The following NEBL variants were observed in gnomAD, a reference collection of about 807,000 sequenced individuals.
NEBL encodes the protein nebulette.
A neutral mutation model predicts 140.2 loss-of-function variants in NEBL; 122 were observed. The observed-to-expected ratio is 0.87, with a 90% CI of 0.75 to 1.01. NEBL has a LOEUF of 1.01. NEBL is among the 50% of genes least tolerant of loss of function. NEBL has a pLI of 0.00. For missense variants in NEBL, 1,365 were observed against 1,231.3 expected (o/e 1.11, Z -1.62); for synonymous variants, 436 against 398.9 (o/e 1.09, Z -1.11).
intron 20 of NEBL, chr10:20,818,707 T>A (rs1305786534): frequency 8.6e-6 from 7 of 811,858 alleles, no homozygotes; most frequent in Non-Finnish European, 1.0e-5. Context: ...GTCTTACCCA[T>A]CTTTGTGTCT....
intron 2 of NEBL, among the ~76,000 whole-genome samples, chr10:21,111,541 T>C (rs930941293): frequency 5.9e-5 from 9 of 151,548 alleles, no homozygotes; most frequent in Admixed American, 5.9e-4. Flanking sequence ...TAGCCACGTG[T>C]AGAAAGCTGA....
intron 2 of NEBL, chr10:21,029,687 CA>C: frequency 1.8e-6 from 2 of 1,083,404 alleles, no homozygotes; most frequent in Non-Finnish European, 2.9e-6. Context: ...CGTTATGATT[CA>C]GACCAGTCTG....
intron 3 of NEBL, among the ~76,000 whole-genome samples, chr10:20,977,569 G>A (rs751302608): frequency 6.6e-6 from 1 of 152,144 alleles, no homozygotes; most frequent in African/African-American, 2.4e-5. Context: ...CACAGGAGGA[G>A]GAGGAGGAGG....
At chr10:20,864,778 C>G (rs7910035) in intron 7 of NEBL, among the ~76,000 whole-genome samples, 5,888 of 152,080 alleles carry the variant, frequency 0.039, 364 homozygotes, top group African/African-American at 0.13. Context: ...AAACTTGCTG[C>G]CCAAATTTCT....
At chr10:20,852,967 A>T in intron 9 of NEBL, among the ~76,000 whole-genome samples, 1 of 152,340 alleles carries the variant, frequency 6.6e-6, no homozygotes, top group East Asian at 1.9e-4. Flanking sequence ...GGAAAAAGGT[A>T]AAGTGGGGAA....
chr10:21,252,745 C>CA (rs1842602526), intron 1 of NEBL, among the ~76,000 whole-genome samples: 1 of 152,158 alleles, frequency 6.6e-6, no homozygotes, highest in African/African-American at 2.4e-5. Flanking sequence ...CACCTGAGGT[C>CA]AGGAGTTCAA....
At chr10:21,076,518 CA>C (rs796291263) in intron 2 of NEBL, among the ~76,000 whole-genome samples, 2 of 137,486 alleles carry the variant, frequency 1.5e-5, no homozygotes, top group Non-Finnish European at 1.6e-5. Flanking sequence ...GGCATATAAC[CA>C]AAAAAAAACT....
intron 3 of NEBL, among the ~76,000 whole-genome samples, chr10:21,191,731 G>T (rs561339608): frequency 1.3e-5 from 2 of 152,206 alleles, no homozygotes; most frequent in East Asian, 3.9e-4. Flanking sequence ...TTAGCTGAAG[G>T]CATTCTATAT....
intron 4 of NEBL, among the ~76,000 whole-genome samples, chr10:20,934,554 C>T (rs943246457): frequency 1.8e-4 from 28 of 152,262 alleles, no homozygotes; most frequent in African/African-American, 6.0e-4. Context: ...GTGCTATCCA[C>T]GATGGGCCCG....
chr10:20,828,995 G>A (rs1342071727), intron 16 of NEBL, among the ~76,000 whole-genome samples: 2 of 152,112 alleles, frequency 1.3e-5, no homozygotes, highest in Non-Finnish European at 2.9e-5. Flanking sequence ...TCTTATCCTA[G>A]TACCAGCACT....
At chr10:20,938,501 G>A (rs1463506135) in intron 4 of NEBL, among the ~76,000 whole-genome samples, 1 of 152,190 alleles carries the variant, frequency 6.6e-6, no homozygotes. Context: ...CACCAGAGCA[G>A]AAAAGCTGAA....
At chr10:20,937,109 A>T (rs1020597371) in intron 4 of NEBL, among the ~76,000 whole-genome samples, 1 of 152,198 alleles carries the variant, frequency 6.6e-6, no homozygotes, top group Non-Finnish European at 1.5e-5. Context: ...CTCCTGCCCT[A>T]CATGAGGGCA....
intron 2 of NEBL, chr10:21,110,795 T>G (rs1837968205): frequency 1.8e-6 from 1 of 570,924 alleles, no homozygotes; most frequent in Non-Finnish European, 3.4e-6. Context: ...TTAAGAACAG[T>G]CAGGTTAGGG....
At chr10:20,953,048 T>C (rs1224839015) in intron 4 of NEBL, among the ~76,000 whole-genome samples, 3 of 152,168 alleles carry the variant, frequency 2.0e-5, no homozygotes, top group Non-Finnish European at 4.4e-5. Flanking sequence ...GTATGTCACT[T>C]AAATACCTCA....
At chr10:21,103,933 G>A (rs1471752648) in intron 2 of NEBL, among the ~76,000 whole-genome samples, 1 of 152,132 alleles carries the variant, frequency 6.6e-6, no homozygotes, top group Non-Finnish European at 1.5e-5. Context: ...TTACATTTAA[G>A]TTTATGATAT....
chr10:21,242,939 C>G (rs560400743), intron 3 of NEBL, among the ~76,000 whole-genome samples: 1 of 152,252 alleles, frequency 6.6e-6, no homozygotes, highest in East Asian at 1.9e-4. Flanking sequence ...CAAGCACACC[C>G]CTGCCTTGGG....
At chr10:20,833,182 T>G (rs1840579129) in intron 14 of NEBL, among the ~76,000 whole-genome samples, 1 of 152,154 alleles carries the variant, frequency 6.6e-6, no homozygotes, top group South Asian at 2.1e-4. Flanking sequence ...TAAAACAACA[T>G]GGCGGCATCT....
rs147980150 is a variant in NEBL at position 21,226,192 on chromosome 10, C to CT, written n.348+21728_348+21729insA. Among the ~76,000 whole-genome samples the CT allele has an allele frequency of 1.1e-3, 164 of 151,606 alleles. 2 individuals carry two copies. The highest frequency in any genetic ancestry group is 3.8e-3 in the African/African-American group (158 of 41,296). On this transcript the variant is annotated intron_variant and non_coding_transcript_variant, in intron 3 of 8. Coordinates refer to the NEBL transcript ENST00000675702. ...TCTAGAAATGTCAGGGAGCTAGAGC[C>CT]GAAATTGGGGCCTCAGGACTCTGCC... is the stretch of plus-strand genomic sequence containing the variant.
At chr10:21,199,862 G>C (rs1451809718) in intron 3 of NEBL, among the ~76,000 whole-genome samples, 1 of 152,166 alleles carries the variant, frequency 6.6e-6, no homozygotes, top group Non-Finnish European at 1.5e-5. Flanking sequence ...AGCTTGTCAA[G>C]GTATCAAGAC....
Sources: gnomAD v4.1 joint callset for allele counts (sites outside exome capture counted in the v4.1 genomes callset) on GRCh38, gnomAD v4.1.1 for gene constraint, MANE v1.5 for transcripts, NCBI Gene and HGNC (gene_info 2026-07-23, HGNC 2026-07-21) for gene names.